The following EBPL variants were observed in gnomAD, a reference collection of about 807,000 sequenced individuals.
The protein encoded by EBPL is EBP like.
In EBPL, 20 loss-of-function variants were observed where a neutral mutation model predicts 19.0. That is an observed-to-expected ratio of 1.05 (90% confidence interval 0.74 to 1.53). The LOEUF (loss-of-function observed/expected upper bound fraction) is 1.53, where lower values mean the gene tolerates loss of function less well. EBPL is among the 40% of genes most tolerant of loss of function. The probability of loss-of-function intolerance (pLI) is 0.00; values close to 1 mark genes in which losing one functional copy is unlikely to be tolerated. For synonymous variants in EBPL, 107 were observed against 117.0 expected, an observed-to-expected ratio of 0.91 and a Z score of 0.55; for missense variants, 219 against 261.1, an observed-to-expected ratio of 0.84 and a Z score of 1.11.
intron 1 of EBPL, among the ~76,000 whole-genome samples, chr13:49,677,313 G>C (rs1953887215): frequency 6.6e-6 from 1 of 152,116 alleles, no homozygotes; most frequent in African/African-American, 2.4e-5. Context: ...CGTCAATCCT[G>C]CTGCATCCCA....
chr13:49,687,807 T>A (rs186861776), intron 1 of EBPL, among the ~76,000 whole-genome samples: 82 of 152,360 alleles, frequency 5.4e-4, no homozygotes, highest in Non-Finnish European at 4.0e-4. Flanking sequence ...CAAACTGGAC[T>A]ACCTTGTTAA....
chr13:49,673,675 G>A (rs747185087), intron 1 of EBPL, among the ~76,000 whole-genome samples: 12 of 152,246 alleles, frequency 7.9e-5, no homozygotes, highest in South Asian at 4.1e-4. Flanking sequence ...GACCTCAAGC[G>A]ATCCACTCGC....
At chr13:49,668,029 C>G (rs1953759730) in intron 2 of EBPL, 1 of 152,334 alleles carries the variant, frequency 6.6e-6, no homozygotes, top group Non-Finnish European at 1.5e-5. Context: ...CAGCAATCCC[C>G]AGGCAGAGTT....
intron 1 of EBPL, among the ~76,000 whole-genome samples, chr13:49,671,233 G>C (rs1320618514): frequency 6.6e-6 from 1 of 152,186 alleles, no homozygotes; most frequent in East Asian, 1.9e-4. Flanking sequence ...CGCCTCCCGG[G>C]TTCAAGCGAT....
chr13:49,661,755 A>G (rs1442872464), intron 3 of EBPL: 1 of 1,483,346 alleles, frequency 6.7e-7, no homozygotes, highest in African/African-American at 1.4e-5. Flanking sequence ...GTACCAAGGA[A>G]AAATTTAATT....
chr13:49,670,751 C>G (rs753810568), intron 1 of EBPL, among the ~76,000 whole-genome samples: 2 of 152,168 alleles, frequency 1.3e-5, no homozygotes, highest in Non-Finnish European at 2.9e-5. Flanking sequence ...CTATTACTTA[C>G]ACAAATTTGT....
intron 1 of EBPL, among the ~76,000 whole-genome samples, chr13:49,683,648 T>C (rs984226185): frequency 6.6e-6 from 1 of 152,110 alleles, no homozygotes; most frequent in African/African-American, 2.4e-5. Context: ...GGGTGACAAG[T>C]TTTAGTCATA....
chr13:49,661,181 C>T lies in EBPL; in HGVS notation c.408G>A (p.Val136=), dbSNP rs752318902. 4 of 1,614,078 alleles carry T rather than the reference C, an allele frequency of 2.5e-6. No homozygotes were observed. Among genetic ancestry groups the T allele is most frequent in the African/African-American group, 1.3e-5 (1 of 74,928 alleles). ...TCATCCAGCAGCCATACAGCTCGCA[C>T]ACGCACAGGGTGATCTGCAGGAAAT... ...YRHFLQITLC[V]CELYGCWMTF... is the part of the protein sequence containing the mutation. The change falls in exon 4 of 4, where the codon GTG becomes GTA. Residue 136 remains valine (V), a synonymous_variant. Transcript: ENST00000242827.
At chr13:49,681,439 C>T (rs1362448808) in intron 1 of EBPL, among the ~76,000 whole-genome samples, 3 of 152,132 alleles carry the variant, frequency 2.0e-5, no homozygotes, top group East Asian at 1.9e-4. Context: ...TACAGGCACA[C>T]GCCACCACGC....
Position 49,663,258 on chromosome 13 carries a change from G to T in EBPL, c.242-63C>A, listed in dbSNP as rs934929031. The T allele has an allele frequency of 1.8e-5, 28 of 1,588,942 alleles. 1 individual carries two copies. The highest frequency in any genetic ancestry group is 3.3e-4 in the Middle Eastern group (2 of 6,018). On this transcript the variant is annotated intron_variant, in intron 2 of 3. Transcript: ENST00000242827. ...AATTTTTATGACAGTTCATGGAAAT[G>T]ACCTTTCTTTCCTTTAAGGTGGAGA...
chr13:49,679,468 C>T (rs1044455503), intron 1 of EBPL, among the ~76,000 whole-genome samples: 11 of 152,138 alleles, frequency 7.2e-5, no homozygotes, highest in Non-Finnish European at 4.4e-5. Context: ...AGGTGTCAGG[C>T]GTGATATGGT....
chr13:49,670,118 A>G (rs1397199112), intron 1 of EBPL, among the ~76,000 whole-genome samples: 1 of 152,212 alleles, frequency 6.6e-6, no homozygotes. Flanking sequence ...TCTTATGTGG[A>G]AAAAGTGAAA....
intron 2 of EBPL, among the ~76,000 whole-genome samples, chr13:49,664,351 G>T (rs1262594876): frequency 6.6e-6 from 1 of 152,142 alleles, no homozygotes; most frequent in East Asian, 1.9e-4. Context: ...AGAATGAATC[G>T]GAGTGGGCAG....
At chr13:49,675,719 G>A (rs1476689364) in intron 1 of EBPL, among the ~76,000 whole-genome samples, 1 of 152,124 alleles carries the variant, frequency 6.6e-6, no homozygotes, top group African/African-American at 2.4e-5. Flanking sequence ...ATGTAGAAGT[G>A]GAATTGCTGG....
At position 49,669,859 on chromosome 13, in the gene EBPL, A is replaced by C. The variant is rs746669053; in HGVS notation, c.172-13T>G. On this transcript the variant is annotated splice_polypyrimidine_tract_variant and intron_variant, in intron 1 of 3. Transcript: ENST00000242827. ...CAAAAGGGCCTTCCTAGAGAGGAGAAAATGAAGACATGCTCTAATACAGCA... is the reference window on the plus strand; with the variant it reads ...CAAAAGGGCCTTCCTAGAGAGGAGACAATGAAGACATGCTCTAATACAGCA... 6.2e-6 allele frequency: 10 copies of C among 1,604,720 alleles called. No homozygotes were observed. The Admixed American group carries it at 1.7e-4, about 27-fold the overall frequency.
At chr13:49,663,734 G>A (rs570068128) in intron 2 of EBPL, among the ~76,000 whole-genome samples, 6 of 146,668 alleles carry the variant, frequency 4.1e-5, no homozygotes, top group African/African-American at 1.5e-4. Context: ...TCAGGAGATC[G>A]AGACCATCCT....
intron 1 of EBPL, among the ~76,000 whole-genome samples, chr13:49,674,724 C>CTG (rs1953857946): frequency 6.6e-6 from 1 of 151,774 alleles, no homozygotes; most frequent in Admixed American, 6.6e-5. Flanking sequence ...GATGAGGGAG[C>CTG]TGTAGCTGAG....
chr13:49,674,450 C>A (rs1174766652), intron 1 of EBPL, among the ~76,000 whole-genome samples: 1 of 152,076 alleles, frequency 6.6e-6, no homozygotes, highest in African/African-American at 2.4e-5. Context: ...ATCGTGGAAA[C>A]CTGGGAAAAG....
chr13:49,691,375 A>G lies in EBPL; in HGVS notation c.50T>C (p.Leu17Pro). The G allele has an allele frequency of 7.3e-7, 1 of 1,362,202 alleles. No individual in the cohort carries two copies. Among genetic ancestry groups the G allele is most frequent in the Admixed American group, 2.9e-5 (1 of 34,988 alleles). The allele number at this position is 1,362,202 out of a possible 1,614,324, so 84.4% of individuals were successfully genotyped here. A position where few individuals can be genotyped will look rare whatever the true frequency, so the allele number is the denominator to read the frequency against. Residue 17 changes from leucine (L) to proline (P), a missense_variant, in exon 1 of 4, where the codon CTG becomes CCG. Leu to Pro is a moderately conservative substitution (Grantham distance 98). Transcript: ENST00000242827. ...GCCCGCCGCCAGCAGCGCGGCGCACAGCAGCAGCGAACCGCCAGCCTCGGC... is the reference window on the plus strand; with the variant it reads ...GCCCGCCGCCAGCAGCGCGGCGCACGGCAGCAGCGAACCGCCAGCCTCGGC... ...LGAEAGGSLL[L>P]CAALLAAGCA...
Sources: gnomAD v4.1 joint callset for allele counts (sites outside exome capture counted in the v4.1 genomes callset) on GRCh38, gnomAD v4.1.1 for gene constraint, MANE v1.5 for transcripts, NCBI Gene and HGNC (gene_info 2026-07-23, HGNC 2026-07-21) for gene names.